HTR2C: variants seen among roughly 807,000 people sequenced by gnomAD.
HTR2C encodes the protein 5-hydroxytryptamine receptor 2C.
A neutral mutation model predicts 21.0 loss-of-function variants in HTR2C; 5 were observed. That is an observed-to-expected ratio of 0.24 (90% CI 0.12 to 0.50). HTR2C has a LOEUF of 0.50. Ranked by LOEUF, HTR2C falls within the 20% of genes least tolerant of loss-of-function variation. HTR2C has a pLI of 0.98. For missense variants in HTR2C, 271 were observed against 371.2 expected, an observed-to-expected ratio of 0.73 and a Z score of 2.22; for synonymous variants, 150 against 145.3, an observed-to-expected ratio of 1.03 and a Z score of -0.23.
At chrX:114,742,218 G>A (rs2069656048) in intron 4 of HTR2C, among the ~76,000 whole-genome samples, 1 of 111,648 alleles carries the variant, frequency 9.0e-6, no homozygotes, top group Non-Finnish European at 1.9e-5. Flanking sequence ...CCATAGAGTA[G>A]ACAGCTGGTA....
intron 5 of HTR2C, among the ~76,000 whole-genome samples, chrX:114,879,382 G>A: frequency 9.2e-6 from 1 of 109,008 alleles, no homozygotes; most frequent in East Asian, 2.9e-4. Context: ...AAAATATATT[G>A]TATGTGAGGA....
chrX:114,586,330 A>C (rs1927392608), intron 1 of HTR2C, among the ~76,000 whole-genome samples: 1 of 111,670 alleles, frequency 9.0e-6, no homozygotes, highest in Admixed American at 9.4e-5. Context: ...GAAATAAATA[A>C]TTTTGTCCAT....
intron 2 of HTR2C, among the ~76,000 whole-genome samples, chrX:114,647,235 A>G (rs2147831247): frequency 8.9e-6 from 1 of 111,817 alleles, no homozygotes; most frequent in Admixed American, 9.6e-5. Context: ...TGGATTTTAA[A>G]TGTTCTCCCT....
At chrX:114,603,487 G>A (rs182761408) in intron 1 of HTR2C, among the ~76,000 whole-genome samples, 17 of 103,811 alleles carry the variant, frequency 1.6e-4, no homozygotes, top group African/African-American at 3.8e-4. Context: ...CTGACCACTC[G>A]AACCATGCCT....
At chrX:114,783,026 CA>C (rs2070135885) in intron 4 of HTR2C, among the ~76,000 whole-genome samples, 1 of 110,656 alleles carries the variant, frequency 9.0e-6, no homozygotes, top group Admixed American at 9.6e-5. Context: ...GGAAAGGAAA[CA>C]AAAAATTAGC....
chrX:114,684,191 AG>A (rs781936942), intron 2 of HTR2C, among the ~76,000 whole-genome samples: 74 of 111,671 alleles, frequency 6.6e-4, no homozygotes, highest in Non-Finnish European at 1.2e-3. Flanking sequence ...TTTTTTCATC[AG>A]TTTTATCTTA....
Position 114,806,959 on chromosome X carries a change from GTATATACCATATATACCATA to G in HTR2C, c.350-41034_350-41015del, listed in dbSNP as rs2070461127. ...TATGTATATACCATATATACCATAT[GTATATACCATATATACCATA>G]TATATACCACATATATATACCATAT... is the stretch of plus-strand genomic sequence containing the variant. On this transcript the variant is annotated intron_variant, in intron 4 of 5. Transcript: ENST00000276198. 2.1e-5 allele frequency among the ~76,000 whole-genome samples: 2 copies of G among 93,840 alleles called. 1 individual carries two copies. Among genetic ancestry groups the G allele is most frequent in the Non-Finnish European group, 4.2e-5 (2 of 48,009 alleles). The allele number at this position is 93,840 out of a possible 115,157, so 81.5% of individuals were successfully genotyped here. A position where few individuals can be genotyped will look rare whatever the true frequency, so the allele number is the denominator to read the frequency against.
Position 114,648,457 on chromosome X carries a change from G to A in HTR2C, c.-80+34576G>A, listed in dbSNP as rs1394694924. ...TAAAAGTTATACAGGTCCAGGCACC[G>A]TGACTCACCTCTGTAATCCCAGCAC... On this transcript the variant is annotated intron_variant, in intron 2 of 5. Transcript: ENST00000276198. 5.4e-5 allele frequency among the ~76,000 whole-genome samples: 6 copies of A among 111,730 alleles called. No homozygotes were observed. The East Asian group carries it at 1.1e-3, about 21-fold the overall frequency.
intron 2 of HTR2C, among the ~76,000 whole-genome samples, chrX:114,703,666 C>T (rs1447540632): frequency 9.0e-6 from 1 of 110,839 alleles, no homozygotes; most frequent in Non-Finnish European, 1.9e-5. Context: ...AAAGCAAGAG[C>T]AAACACATTC....
intron 4 of HTR2C, among the ~76,000 whole-genome samples, chrX:114,765,279 T>C (rs1469815494): frequency 9.0e-6 from 1 of 111,016 alleles, no homozygotes; most frequent in Non-Finnish European, 1.9e-5. Context: ...AAAGCCTGTA[T>C]GTCTATGCCA....
At chrX:114,713,053 A>G (rs986836278) in intron 2 of HTR2C, among the ~76,000 whole-genome samples, 2 of 111,729 alleles carry the variant, frequency 1.8e-5, no homozygotes, top group African/African-American at 6.5e-5. Context: ...TTTTCATGCT[A>G]TGTAATCTAA....
chrX:114,752,701 C>T (rs1172265353), intron 4 of HTR2C, among the ~76,000 whole-genome samples: 1 of 110,500 alleles, frequency 9.0e-6, no homozygotes, highest in Non-Finnish European at 1.9e-5. Context: ...CCCTATTTCT[C>T]TCCCAACAGA....
At chrX:114,763,016 A>G (rs1321231600) in intron 4 of HTR2C, among the ~76,000 whole-genome samples, 1 of 112,186 alleles carries the variant, frequency 8.9e-6, no homozygotes, top group Non-Finnish European at 1.9e-5. Flanking sequence ...TGCTGCAATT[A>G]TTCTGGGCTT....
At chrX:114,847,239 A>G (rs1468044188) in intron 4 of HTR2C, among the ~76,000 whole-genome samples, 1 of 109,163 alleles carries the variant, frequency 9.2e-6, no homozygotes, top group Non-Finnish European at 1.9e-5. Flanking sequence ...CATATACACC[A>G]TGGAATACTA....
At chrX:114,715,390 T>C (rs781985776) in intron 2 of HTR2C, 39 of 352,056 alleles carry the variant, frequency 1.1e-4, no homozygotes, top group Non-Finnish European at 1.7e-4. Flanking sequence ...AAGTGAAAAG[T>C]TTGTGATCTC....
At position 114,906,999 on chromosome X, in the gene HTR2C, C is replaced by G; in HGVS notation, c.961C>G (p.Leu321Val). 8.3e-7 allele frequency: 1 copy of G among 1,211,354 alleles called. No homozygotes were observed. Among genetic ancestry groups the G allele is most frequent in the African/African-American group, 1.7e-5 (1 of 57,742 alleles). Reference sequence around the variant, plus strand: ...CCTTGGGATTGTTTTCTTTGTGTTTCTGATCATGTGGTGCCCATTTTTCAT... The same window carrying G: ...CCTTGGGATTGTTTTCTTTGTGTTTGTGATCATGTGGTGCCCATTTTTCAT... ...KVLGIVFFVF[L>V]IMWCPFFITN... is the part of the protein sequence containing the mutation. Residue 321 changes from leucine (L) to valine (V), a missense_variant, in exon 6 of 6, where the codon CTG (leucine) becomes GTG (valine). Leu to Val is a conservative substitution (Grantham distance 32). Coordinates refer to ENST00000276198, the MANE Select transcript of HTR2C (RefSeq NM_000868.4).
intron 4 of HTR2C, among the ~76,000 whole-genome samples, chrX:114,743,781 C>T (rs1556425685): frequency 4.2e-4 from 47 of 111,829 alleles, no homozygotes; most frequent in Non-Finnish European, 1.1e-4. Flanking sequence ...AAACCTCGAA[C>T]AGGATAAACT....
chrX:114,798,737 A>G (rs1485747923), intron 4 of HTR2C, among the ~76,000 whole-genome samples: 1 of 46,265 alleles, frequency 2.2e-5, no homozygotes, highest in African/African-American at 5.0e-5. Flanking sequence ...ACATAAAAAT[A>G]CTACTTAACC....
intron 1 of HTR2C, among the ~76,000 whole-genome samples, chrX:114,610,372 T>A (rs1373013615): frequency 8.9e-6 from 1 of 112,169 alleles, no homozygotes; most frequent in Non-Finnish European, 1.9e-5. Context: ...TCTTATGACT[T>A]TTAAAGCATC....
Sources: allele counts gnomAD v4.1 joint callset (sites outside exome capture counted in the v4.1 genomes callset), GRCh38; gene constraint gnomAD v4.1.1; transcripts MANE v1.5; gene names NCBI Gene and HGNC (gene_info 2026-07-23, HGNC 2026-07-21).